The following FIP1L1 variants were observed in gnomAD, a reference collection of about 807,000 sequenced individuals.
The protein encoded by FIP1L1 is factor interacting with PAPOLA and CPSF1.
A neutral mutation model predicts 84.6 loss-of-function variants in FIP1L1; 21 were observed. The ratio of observed to expected loss-of-function variants is 0.25; its 90% confidence interval spans 0.18 to 0.36. FIP1L1 has a LOEUF of 0.36. Among genes scored for constraint, FIP1L1 ranks in the 10% least tolerant of loss-of-function variants. The pLI is 1.00. For synonymous variants in FIP1L1, 263 were observed against 242.3 expected, an observed-to-expected ratio of 1.09 and a Z score of -0.80; for missense variants, 526 against 751.1, an observed-to-expected ratio of 0.70 and a Z score of 3.50.
chr4:53,385,012 T>G (rs536916132), intron 5 of FIP1L1, among the ~76,000 whole-genome samples: 1 of 152,296 alleles, frequency 6.6e-6, no homozygotes, highest in African/African-American at 2.4e-5. Flanking sequence ...TGTATTATAA[T>G]AATGACTACC....
At chr4:53,387,914 C>G (rs1209529793) in intron 5 of FIP1L1, among the ~76,000 whole-genome samples, 1 of 152,212 alleles carries the variant, frequency 6.6e-6, no homozygotes, top group Non-Finnish European at 1.5e-5. Flanking sequence ...ACTTTTTCCT[C>G]AGCCTAGAAC....
intron 3 of FIP1L1, 95 bp from the exon 4 acceptor site, chr4:53,382,183 T>C (rs1356337135): frequency 2.2e-5 from 18 of 820,356 alleles, no homozygotes; most frequent in Non-Finnish European, 3.4e-5. Flanking sequence ...ACAATAATTT[T>C]AGGAGCTTTA....
rs377730833 is a variant in FIP1L1, at chr4:53,377,831, G to A, written c.-8G>A. The A allele has an allele frequency of 6.5e-5, 102 of 1,568,126 alleles. No individual in the cohort carries two copies. The highest frequency in any genetic ancestry group is 8.3e-5 in the Non-Finnish European group (96 of 1,156,546). ...GATCGCCGCGTTTAAGTTGCGCTCGGGGCGGCCATGTCGGCCGGCGAGGTC... is the reference window on the plus strand; with the variant it reads ...GATCGCCGCGTTTAAGTTGCGCTCGAGGCGGCCATGTCGGCCGGCGAGGTC... On this transcript the variant is annotated 5_prime_UTR_variant, in exon 1 of 18. Transcript: ENST00000337488.
chr4:53,441,247 A>G (rs1205822156), intron 13 of FIP1L1, among the ~76,000 whole-genome samples: 5 of 151,836 alleles, frequency 3.3e-5, no homozygotes, highest in Non-Finnish European at 7.4e-5. Context: ...TCCTGAGTTC[A>G]GTGTTAAAAG....
intron 5 of FIP1L1, among the ~76,000 whole-genome samples, chr4:53,389,470 GT>G (rs1742974006): frequency 6.6e-6 from 1 of 150,572 alleles, no homozygotes; most frequent in Non-Finnish European, 1.5e-5. Context: ...TTTTTTTACT[GT>G]TTTTGCCTTT....
intron 15 of FIP1L1, among the ~76,000 whole-genome samples, chr4:53,445,709 A>G (rs537256811): frequency 6.6e-6 from 1 of 152,286 alleles, no homozygotes; most frequent in Admixed American, 6.5e-5. Flanking sequence ...AAGGGTCTAA[A>G]TTTGTCTTCA....
intron 13 of FIP1L1, chr4:53,440,687 T>C (rs80338580): frequency 1.0e-6 from 1 of 987,618 alleles, no homozygotes; most frequent in Non-Finnish European, 1.6e-6. Context: ...AGAGACGGTG[T>C]TGATGCGGTT....
intron 13 of FIP1L1, among the ~76,000 whole-genome samples, chr4:53,435,217 G>A (rs1768597695): frequency 6.6e-6 from 1 of 152,030 alleles, no homozygotes; most frequent in Admixed American, 6.5e-5. Context: ...AGAATTTTCT[G>A]GCACAATTAA....
intron 10 of FIP1L1, among the ~76,000 whole-genome samples, chr4:53,408,636 C>G (rs1243227419): frequency 1.3e-5 from 2 of 152,218 alleles, no homozygotes; most frequent in East Asian, 1.9e-4. Flanking sequence ...GTACACCAAT[C>G]AGATGTAGAT....
chr4:53,428,494 A>G (rs1765230229), intron 13 of FIP1L1, among the ~76,000 whole-genome samples: 2 of 152,218 alleles, frequency 1.3e-5, no homozygotes, highest in Non-Finnish European at 2.9e-5. Context: ...AAACTTTACC[A>G]GTGTTAATTT....
chr4:53,456,026 A>T (rs1468599749), intron 16 of FIP1L1, among the ~76,000 whole-genome samples: 1 of 152,126 alleles, frequency 6.6e-6, no homozygotes, highest in Non-Finnish European at 1.5e-5. Flanking sequence ...TGTGCTGTTG[A>T]CTTTAGCCAA....
chr4:53,380,807 A>G (rs1560479917), intron 3 of FIP1L1, among the ~76,000 whole-genome samples: 1 of 152,222 alleles, frequency 6.6e-6, no homozygotes, highest in East Asian at 1.9e-4. Context: ...GTGATTGAAT[A>G]TTTCTTTGTA....
chr4:53,459,494 C>G lies in FIP1L1; in HGVS notation c.*45C>G. ...TGTATATTAGTACCAGAAGTAGATACTATAAATCTTGTTATTTTTCTGGAT... is the reference window on the plus strand; with the variant it reads ...TGTATATTAGTACCAGAAGTAGATAGTATAAATCTTGTTATTTTTCTGGAT... On this transcript the variant is annotated 3_prime_UTR_variant, in exon 18 of 18. Coordinates refer to ENST00000337488, the MANE Select transcript of FIP1L1 (RefSeq NM_030917.4). 6.2e-7 allele frequency: 1 copy of G among 1,609,574 alleles called. No individual in the cohort carries two copies. The highest frequency in any genetic ancestry group is 1.3e-5 in the African/African-American group (1 of 74,832).
At chr4:53,424,763 G>A (rs1486979183) in intron 11 of FIP1L1, among the ~76,000 whole-genome samples, 1 of 152,082 alleles carries the variant, frequency 6.6e-6, no homozygotes, top group Non-Finnish European at 1.5e-5. Context: ...TTGCTGGAAG[G>A]AAACCTAGCT....
At chr4:53,391,618 C>T in intron 9 of FIP1L1, 120 bp downstream of exon 9, 1 of 670,852 alleles carries the variant, frequency 1.5e-6, no homozygotes, top group Non-Finnish European at 2.6e-6. Context: ...AAACCTTCAG[C>T]TTCCTGGTGA....
chr4:53,416,382 G>T (rs2149788700), intron 11 of FIP1L1, among the ~76,000 whole-genome samples: 1 of 152,198 alleles, frequency 6.6e-6, no homozygotes, highest in East Asian at 1.9e-4. Flanking sequence ...GTAACTACCT[G>T]TGTGAATTAA....
intron 5 of FIP1L1, among the ~76,000 whole-genome samples, chr4:53,386,003 AT>A (rs1265208618): frequency 3.0e-4 from 46 of 151,044 alleles, no homozygotes; most frequent in Admixed American, 3.0e-3. Flanking sequence ...GACTGAATTG[AT>A]TTATTGTAAA....
chr4:53,452,610 C>T (rs1716774559), intron 15 of FIP1L1, among the ~76,000 whole-genome samples: 2 of 152,220 alleles, frequency 1.3e-5, no homozygotes, highest in South Asian at 4.1e-4. Flanking sequence ...TAAGCCATCG[C>T]GCCTGGCCTC....
intron 11 of FIP1L1, among the ~76,000 whole-genome samples, chr4:53,424,046 T>G (rs1322121575): frequency 6.6e-6 from 1 of 152,172 alleles, no homozygotes; most frequent in Non-Finnish European, 1.5e-5. Flanking sequence ...GCTATCTGAC[T>G]TGCAAGTCCA....
Sources: allele counts gnomAD v4.1 joint callset (sites outside exome capture counted in the v4.1 genomes callset), GRCh38; gene constraint gnomAD v4.1.1; transcripts MANE v1.5; gene names NCBI Gene and HGNC (gene_info 2026-07-23, HGNC 2026-07-21).